Variants in ALCAM observed in about 807,000 individuals in gnomAD.
ALCAM encodes CD166 antigen.
A neutral mutation model predicts 70.9 loss-of-function variants in ALCAM; 30 were observed. That is an observed-to-expected ratio of 0.42 (90% CI 0.32 to 0.57). ALCAM has a LOEUF of 0.57. ALCAM is among the 20% of genes least tolerant of loss of function. The pLI, the probability that ALCAM is intolerant of heterozygous loss-of-function variation, is 0.11. For synonymous variants in ALCAM, 249 were observed against 242.5 expected (o/e 1.03, Z -0.25); for missense variants, 591 against 695.1 (o/e 0.85, Z 1.68).
chr3:105,381,978 G>T (rs933259642), intron 1 of ALCAM, among the ~76,000 whole-genome samples: 1 of 150,188 alleles, frequency 6.7e-6, no homozygotes, highest in Non-Finnish European at 1.5e-5. Flanking sequence ...TAGGGTACAT[G>T]TGCACAATGT....
intron 1 of ALCAM, among the ~76,000 whole-genome samples, chr3:105,502,411 G>C (rs57737309): frequency 0.01 from 1,556 of 152,296 alleles, 21 homozygotes; most frequent in African/African-American, 0.019. Flanking sequence ...GGTTATCAGA[G>C]TCCATGTTCT....
chr3:105,561,779 T>C (rs1474297856), intron 14 of ALCAM, among the ~76,000 whole-genome samples: 1 of 152,080 alleles, frequency 6.6e-6, no homozygotes, highest in Non-Finnish European at 1.5e-5. Flanking sequence ...TACAAGAAAA[T>C]GTTACATTAA....
intron 1 of ALCAM, among the ~76,000 whole-genome samples, chr3:105,476,917 T>C (rs1938132115): frequency 6.6e-6 from 1 of 151,982 alleles, no homozygotes; most frequent in African/African-American, 2.4e-5. Context: ...AATTGAATCA[T>C]GGGGGCTAGT....
intron 14 of ALCAM, among the ~76,000 whole-genome samples, chr3:105,554,844 G>T (rs1046491921): frequency 4.6e-5 from 7 of 151,618 alleles, no homozygotes; most frequent in African/African-American, 1.2e-4. Context: ...GCGTTCTAGG[G>T]TATTTTCATT....
At chr3:105,459,338 A>G (rs1937573742) in intron 1 of ALCAM, among the ~76,000 whole-genome samples, 1 of 152,092 alleles carries the variant, frequency 6.6e-6, no homozygotes, top group Non-Finnish European at 1.5e-5. Context: ...TGTTTTCAAT[A>G]CTTGCATGAT....
At chr3:105,405,384 A>G (rs1440892563) in intron 1 of ALCAM, among the ~76,000 whole-genome samples, 3 of 151,982 alleles carry the variant, frequency 2.0e-5, no homozygotes, top group Non-Finnish European at 4.4e-5. Context: ...TATGCACCTA[A>G]GAGTTCTCAA....
chr3:105,493,106 A>G (rs1217494750), intron 1 of ALCAM, among the ~76,000 whole-genome samples: 2 of 152,206 alleles, frequency 1.3e-5, no homozygotes, highest in African/African-American at 2.4e-5. Context: ...AGTATGAGGA[A>G]AGCACTGTGT....
chr3:105,367,454 T>C lies in ALCAM; in HGVS notation c.46T>C (p.Leu16=). 1.2e-6 allele frequency: 2 copies of C among 1,614,008 alleles called. No individual in the cohort carries two copies. Among genetic ancestry groups the C allele is most frequent in the Non-Finnish European group, 1.7e-6 (2 of 1,179,932 alleles). The change falls in exon 1 of 16, where the codon TTG becomes CTG. Residue 16 remains leucine (L), a synonymous_variant. Transcript: ENST00000306107. ...TTCCTGCCGTCTGCTCTTCTGCCTC[T>C]TGATCTCCGCCACCGTCTTCAGGCC... The part of the protein sequence containing the change: ...ASSCRLLFCL[L]ISATVFRPGL...
At chr3:105,419,549 A>C (rs1224645381) in intron 1 of ALCAM, among the ~76,000 whole-genome samples, 1 of 151,816 alleles carries the variant, frequency 6.6e-6, no homozygotes, top group African/African-American at 2.4e-5. Flanking sequence ...TAGCAACTGC[A>C]CGATGTTTCA....
chr3:105,518,050 A>G (rs1939427864), intron 1 of ALCAM, among the ~76,000 whole-genome samples: 1 of 152,142 alleles, frequency 6.6e-6, no homozygotes, highest in Non-Finnish European at 1.5e-5. Flanking sequence ...TTAAAGTTCT[A>G]TAGAGAAGAG....
In ALCAM at chr3:105,367,222, C is replaced by A; in HGVS notation, c.-187C>A. On this transcript the variant is annotated 5_prime_UTR_variant, in exon 1 of 16. Coordinates refer to ENST00000306107, the MANE Select transcript of ALCAM (RefSeq NM_001627.4). ...GAGGGAGGAGGAGTTGGGGGCATTG[C>A]GTGGTGGAAAGTTGCGTGCGGCAGA... 3.4e-6 allele frequency: 2 copies of A among 593,424 alleles called. No individual in the cohort carries two copies. The highest frequency in any genetic ancestry group is 3.0e-6 in the Non-Finnish European group (1 of 331,296). 36.8% of individuals were successfully genotyped at this position (593,424 alleles called of 1,614,324 possible).
At chr3:105,490,682 C>G (rs1208056196) in intron 1 of ALCAM, among the ~76,000 whole-genome samples, 1 of 152,162 alleles carries the variant, frequency 6.6e-6, no homozygotes, top group Non-Finnish European at 1.5e-5. Flanking sequence ...GTAGTCAAAT[C>G]TTAAAGCTCC....
At chr3:105,409,831 T>G (rs1049977020) in intron 1 of ALCAM, among the ~76,000 whole-genome samples, 2 of 152,132 alleles carry the variant, frequency 1.3e-5, no homozygotes, top group Non-Finnish European at 2.9e-5. Flanking sequence ...TCTAATATAC[T>G]TTATTTTTTA....
At chr3:105,474,800 A>T (rs914488072) in intron 1 of ALCAM, among the ~76,000 whole-genome samples, 4 of 151,816 alleles carry the variant, frequency 2.6e-5, no homozygotes, top group Non-Finnish European at 4.4e-5. Flanking sequence ...TAATTTATTT[A>T]TAAGAATTAC....
chr3:105,462,985 A>G (rs1937625123), intron 1 of ALCAM, among the ~76,000 whole-genome samples: 1 of 151,478 alleles, frequency 6.6e-6, no homozygotes, highest in African/African-American at 2.4e-5. Flanking sequence ...TAAGAAAAAT[A>G]AAGTGTCAGC....
chr3:105,456,701 A>C (rs1181865237), intron 1 of ALCAM, among the ~76,000 whole-genome samples: 4 of 152,196 alleles, frequency 2.6e-5, no homozygotes, highest in Admixed American at 2.0e-4. Flanking sequence ...CTATGTTATA[A>C]GCCCAAAATG....
chr3:105,423,395 T>C (rs2107420728), intron 1 of ALCAM, among the ~76,000 whole-genome samples: 1 of 151,346 alleles, frequency 6.6e-6, no homozygotes, highest in South Asian at 2.1e-4. Context: ...AACATTAGGC[T>C]TAATCAGTTA....
intron 1 of ALCAM, among the ~76,000 whole-genome samples, chr3:105,390,812 T>C (rs997767458): frequency 1.3e-5 from 2 of 152,190 alleles, no homozygotes; most frequent in Non-Finnish European, 2.9e-5. Context: ...TTTCTGCGTA[T>C]GGCTAGCCAG....
intron 1 of ALCAM, among the ~76,000 whole-genome samples, chr3:105,413,004 G>A (rs1354956682): frequency 6.6e-6 from 1 of 152,026 alleles, no homozygotes; most frequent in Non-Finnish European, 1.5e-5. Context: ...AGATGCTTAA[G>A]TTTTGCTTGG....
Sources: allele counts gnomAD v4.1 joint callset (sites outside exome capture counted in the v4.1 genomes callset), GRCh38; gene constraint gnomAD v4.1.1; transcripts MANE v1.5; gene names NCBI Gene and HGNC (gene_info 2026-07-23, HGNC 2026-07-21).